Variants in EPS8L1 observed in about 807,000 individuals in gnomAD.
EPS8L1 encodes EPS8 signaling adaptor L1.
EPS8L1 carries 101 observed loss-of-function variants against 91.7 expected under a neutral mutation model. The observed-to-expected ratio is 1.10, with a 90% CI of 0.94 to 1.30. EPS8L1 has a LOEUF of 1.30. Ranked by LOEUF, EPS8L1 falls within the 50% of genes most tolerant of loss-of-function variation. The pLI is 0.00. For synonymous variants in EPS8L1, 506 were observed against 445.3 expected, an observed-to-expected ratio of 1.14 and a Z score of -1.72; for missense variants, 1,114 against 1,017.0, an observed-to-expected ratio of 1.10 and a Z score of -1.30.
Position 55,085,987 on chromosome 19 carries a change from G to C in EPS8L1, c.1518+14G>C. On this transcript the variant is annotated intron_variant, in intron 15 of 19. Transcript: ENST00000201647. ...GACGTACTGGAGGTTAGAGGAGCGG[G>C]AGGCTGAGGGGCAGGAATTAGCCAG... 6.2e-7 allele frequency: 1 copy of C among 1,609,150 alleles called. No homozygotes were observed. The highest frequency in any genetic ancestry group is 8.5e-7 in the Non-Finnish European group (1 of 1,175,882).
rs759513040 is a variant in EPS8L1, at chr19:55,083,607, T to C, written c.1357-9T>C. The C allele has an allele frequency of 1.3e-5, 20 of 1,597,094 alleles. No individual in the cohort carries two copies. In the South Asian group the frequency reaches 2.0e-4, roughly 16 times the overall value. ...GCCCCGCCTGACCCGACTGTCTTAC[T>C]TCCTACAGCAAAGCGCCCCCCAGGT... On this transcript the variant is annotated splice_polypyrimidine_tract_variant and intron_variant, in intron 13 of 19. Transcript: ENST00000201647. The surrounding 1 kb of genome is among the most constrained non-coding windows in gnomAD (Gnocchi z 4.7).
chr19:55,084,160 A>G (rs79970581), intron 14 of EPS8L1: 1 of 205,018 alleles, frequency 4.9e-6, no homozygotes, highest in South Asian at 7.9e-5. Flanking sequence ...GTTTCTGGGA[A>G]AGTTAGGAAG....
At position 55,087,544 on chromosome 19, in the gene EPS8L1, C is replaced by T; in HGVS notation, c.2102C>T (p.Ser701Leu). The change falls in exon 20 of 20, where the codon TCA becomes TTA. Residue 701 changes from serine to leucine, a missense_variant. Physicochemically the swap from Ser to Leu is moderately radical, Grantham distance 145 (BLOSUM62 -2). Coordinates refer to ENST00000201647, the MANE Select transcript of EPS8L1 (RefSeq NM_133180.3). ...RSLLEDKEKV[S>L]ELEAVMEKQK... is the part of the protein sequence containing the mutation. ...GCCCTCCAGGACAAAGAGAAAGTGT[C>T]AGAGCTGGAGGCAGTGATGGAGAAG... 1 of 1,614,128 alleles carries T rather than the reference C, an allele frequency of 6.2e-7. No individual in the cohort carries two copies. The highest frequency in any genetic ancestry group is 8.5e-7 in the Non-Finnish European group (1 of 1,180,024).
Position 55,086,109 on chromosome 19 carries a change from C to T in EPS8L1, c.1567C>T (p.Gln523Ter), listed in dbSNP as rs1299411348. Residue 523 changes from glutamine (Q) to a stop codon, truncating the protein, a stop_gained, in exon 16 of 20, where the codon CAG becomes TAG. Coordinates refer to ENST00000201647, the MANE Select transcript of EPS8L1 (RefSeq NM_133180.3). LOFTEE classifies it high-confidence loss of function. ...KWWKVRDPAG[Q>*]EGYVPYNILT... Reference sequence around the variant, plus strand: ...GTGGAAGGTTCGGGACCCAGCGGGGCAGGAGGGATATGTGCCCTACAACAT... The same window carrying T: ...GTGGAAGGTTCGGGACCCAGCGGGGTAGGAGGGATATGTGCCCTACAACAT... The T allele has an allele frequency of 6.2e-7, 1 of 1,605,540 alleles. No individual in the cohort carries two copies. The highest frequency in any genetic ancestry group is 1.1e-5 in the South Asian group (1 of 89,838).
chr19:55,079,091 T>A, intron 4 of EPS8L1, 34 bp downstream of exon 4: 1 of 1,611,968 alleles, frequency 6.2e-7, no homozygotes, highest in Non-Finnish European at 8.5e-7. Flanking sequence ...CCAGGACATC[T>A]TCTGGGGCAA....
Position 55,078,887 on chromosome 19 carries a change from G to T in EPS8L1, c.59-112G>T. 7.3e-6 allele frequency: 7 copies of T among 954,790 alleles called. No individual in the cohort carries two copies. The South Asian group carries it at 9.5e-5, about 13-fold the overall frequency. The allele number at this position is 954,790 out of a possible 1,614,324, so 59.1% of individuals were successfully genotyped here. On this transcript the variant is annotated intron_variant, in intron 3 of 19. Coordinates refer to ENST00000201647, the MANE Select transcript of EPS8L1 (RefSeq NM_133180.3). ...TGGGTCAGAGGGAAGAGGGGCTGGG[G>T]GGCTGGACTCCTAGGTTTGAGGGAG...
rs528097898 is a variant in EPS8L1 at position 55,081,221 on chromosome 19, C to T, written c.513-10C>T. On this transcript the variant is annotated splice_polypyrimidine_tract_variant and intron_variant, in intron 7 of 19. Coordinates refer to ENST00000201647, the MANE Select transcript of EPS8L1 (RefSeq NM_133180.3). The surrounding 1 kb of genome is among the most constrained non-coding windows in gnomAD (Gnocchi z 4.9). ...GGACCCAGTCTTGGTGTCCCCGTCG[C>T]CCTCCGCAGGGCCACGCAGGAGGAG... is the stretch of plus-strand genomic sequence containing the variant. The T allele has an allele frequency of 2.7e-6, 4 of 1,498,106 alleles. No individual in the cohort carries two copies. In the Admixed American group the frequency reaches 6.8e-5, roughly 26 times the overall value. The allele number at this position is 1,498,106 out of a possible 1,614,324, so 92.8% of individuals were successfully genotyped here.
chr19:55,081,380 A>G lies in EPS8L1; in HGVS notation c.662A>G (p.Glu221Gly). The G allele has an allele frequency of 6.3e-7, 1 of 1,579,176 alleles. No individual in the cohort carries two copies. Among genetic ancestry groups the G allele is most frequent in the Non-Finnish European group, 8.6e-7 (1 of 1,165,242 alleles). ...CAGGCGAAGCCCATTCCCGAGGCAG[A>G]GGAGGCGCAGAGGCCTGAGCCGGTG... is the stretch of plus-strand genomic sequence containing the variant. ...RPQAKPIPEA[E>G]EAQRPEPVGT... The change falls in exon 8 of 20, where the codon GAG (glutamate) becomes GGG (glycine). Residue 221 changes from glutamate to glycine, a missense_variant. Glu to Gly is a moderately conservative substitution (Grantham distance 98). Coordinates refer to ENST00000201647, the MANE Select transcript of EPS8L1 (RefSeq NM_133180.3). This position sits in a 1 kb window ranked among gnomAD's most constrained non-coding sequence, Gnocchi z 4.9.
chr19:55,080,424 A>C, intron 6 of EPS8L1, 146 bp downstream of exon 6: 2 of 1,600,972 alleles, frequency 1.2e-6, no homozygotes, highest in Non-Finnish European at 1.7e-6. Flanking sequence ...CTGGGAAGGA[A>C]GTTCTGGAAG....
intron 2 of EPS8L1, among the ~76,000 whole-genome samples, chr19:55,076,849 A>C (rs1306787815): frequency 7.2e-5 from 11 of 152,224 alleles, no homozygotes; most frequent in Non-Finnish European, 1.5e-5. Context: ...AGGAGTCGCT[A>C]TTGCGATTGT....
rs1245548014 is a variant in EPS8L1 at position 55,078,088 on chromosome 19, C to G, written c.18C>G (p.Gly6=). 1.2e-6 allele frequency: 2 copies of G among 1,613,752 alleles called. No individual in the cohort carries two copies. Among genetic ancestry groups the G allele is most frequent in the South Asian group, 1.1e-5 (1 of 91,068 alleles). The change falls in exon 3 of 20, where the codon GGC becomes GGG. Residue 6 remains glycine (G), a splice_region_variant and synonymous_variant. Coordinates refer to ENST00000201647, the MANE Select transcript of EPS8L1 (RefSeq NM_133180.3). MSTAT[G]PEAAPKPSAK... Reference sequence around the variant, plus strand: ...CTCTCATTCCTCTTTTCTTCACCAGCCCAGAAGCTGCCCCAAAGCCAAGCG... The same window carrying G: ...CTCTCATTCCTCTTTTCTTCACCAGGCCAGAAGCTGCCCCAAAGCCAAGCG...
chr19:55,083,298 A>G lies in EPS8L1; in HGVS notation c.1215-80A>G. 1 of 1,546,974 alleles carries G rather than the reference A, an allele frequency of 6.5e-7. No homozygotes were observed. Among genetic ancestry groups the G allele is most frequent in the Non-Finnish European group, 8.8e-7 (1 of 1,142,736 alleles). ...TGGAATACAGCGAGCTTTAGGGGAAAACTTAGTGAAGTTAATGCAGGAACG... is the reference window on the plus strand; with the variant it reads ...TGGAATACAGCGAGCTTTAGGGGAAGACTTAGTGAAGTTAATGCAGGAACG... On this transcript the variant is annotated intron_variant, in intron 12 of 19. Coordinates refer to ENST00000201647, the MANE Select transcript of EPS8L1 (RefSeq NM_133180.3). The surrounding 1 kb of genome is among the most constrained non-coding windows in gnomAD (Gnocchi z 4.7).
chr19:55,086,317 C>T, intron 16 of EPS8L1, 75 bp from the exon 17 acceptor site: 1 of 1,608,232 alleles, frequency 6.2e-7, no homozygotes, highest in South Asian at 1.1e-5. Context: ...TTCAGAAATG[C>T]ATCTCCAGAA....
chr19:55,080,637 GACGTGCGTGGGTTCACAGGTGTGA>G, intron 6 of EPS8L1, 111 bp from the exon 7 acceptor site: 1 of 1,562,292 alleles, frequency 6.4e-7, no homozygotes, highest in Non-Finnish European at 8.7e-7. Context: ...TCGGGGCGTG[GACGTGCGTGGGTTCACAGGTGTGA>G]ACGGTAGCCG....
chr19:55,077,961 A>G (rs1327296856), intron 2 of EPS8L1, 127 bp from the exon 3 acceptor site: 1 of 376,588 alleles, frequency 2.7e-6, no homozygotes, highest in East Asian at 4.5e-5. Flanking sequence ...AATAATAATA[A>G]TAATAATAAT....
intron 17 of EPS8L1, 51 bp downstream of exon 17, chr19:55,086,569 C>A: frequency 6.5e-7 from 1 of 1,541,202 alleles, no homozygotes; most frequent in Admixed American, 2.0e-5. Flanking sequence ...CCTTGCTTTC[C>A]AGGCAGAGAA....
rs551347835 is a variant in EPS8L1, at chr19:55,086,538, G to C, written c.1777+20G>C. 7.6e-5 allele frequency: 118 copies of C among 1,550,092 alleles called. No individual in the cohort carries two copies. In the African/African-American group the frequency reaches 1.4e-3, roughly 19 times the overall value. Reference sequence around the variant, plus strand: ...AGAAGGGTGAGTGGTGGGGACGCCGGCTGCGGGGAGCGGTCCTTATCCTTG... The same window carrying C: ...AGAAGGGTGAGTGGTGGGGACGCCGCCTGCGGGGAGCGGTCCTTATCCTTG... On this transcript the variant is annotated intron_variant, in intron 17 of 19. Coordinates refer to ENST00000201647, the MANE Select transcript of EPS8L1 (RefSeq NM_133180.3).
Position 55,086,091 on chromosome 19 carries a change from G to T in EPS8L1, c.1549G>T (p.Val517Phe), listed in dbSNP as rs762114376. The T allele has an allele frequency of 6.2e-7, 1 of 1,602,532 alleles. No individual in the cohort carries two copies. Among genetic ancestry groups the T allele is most frequent in the Non-Finnish European group, 8.5e-7 (1 of 1,172,874 alleles). ...GGATGACAGTCGTAAGTGGTGGAAG[G>T]TTCGGGACCCAGCGGGGCAGGAGGG... ...VLDDSRKWWK[V>F]RDPAGQEGYV... The change falls in exon 16 of 20, where the codon GTT (valine) becomes TTT (phenylalanine). Residue 517 changes from valine to phenylalanine, a missense_variant. Transcript: ENST00000201647.
Position 55,079,959 on chromosome 19 carries a change from G to A in EPS8L1, c.279+108G>A, listed in dbSNP as rs559851865. ...CCTTCCTCTGGGAACTCTGGCGAGG[G>A]ACCCCAGCCCCCTTCTTGAGCCTTA... is the stretch of plus-strand genomic sequence containing the variant. On this transcript the variant is annotated intron_variant, in intron 5 of 19. Coordinates refer to ENST00000201647, the MANE Select transcript of EPS8L1 (RefSeq NM_133180.3). The A allele has an allele frequency of 9.7e-5, 141 of 1,458,642 alleles. 1 individual carries two copies. The South Asian group carries it at 1.7e-3, about 18-fold the overall frequency. 90.4% of individuals were successfully genotyped at this position (1,458,642 alleles called of 1,614,324 possible).
Sources: allele counts gnomAD v4.1 joint callset (sites outside exome capture counted in the v4.1 genomes callset), GRCh38; gene constraint gnomAD v4.1.1; non-coding constraint Gnocchi (gnomAD v3.1); transcripts MANE v1.5; gene names NCBI Gene and HGNC (gene_info 2026-07-23, HGNC 2026-07-21).